LRMDA: variants seen among roughly 807,000 people sequenced by gnomAD.
LRMDA encodes the protein leucine rich melanocyte differentiation associated.
In LRMDA, 18 loss-of-function variants were observed where a neutral mutation model predicts 29.8. The observed-to-expected ratio is 0.60, with a 90% CI of 0.42 to 0.90. The LOEUF (loss-of-function observed/expected upper bound fraction) is 0.90. Ranked by LOEUF, LRMDA falls within the 40% of genes least tolerant of loss-of-function variation. LRMDA has a pLI of 0.00. For missense variants in LRMDA, 273 were observed against 273.9 expected (o/e 1.00, Z 0.02); for synonymous variants, 125 against 109.4 (o/e 1.14, Z -0.89).
chr10:76,329,102 G>T (rs767493098), intron 6 of LRMDA, among the ~76,000 whole-genome samples: 1 of 152,122 alleles, frequency 6.6e-6, no homozygotes, highest in South Asian at 2.1e-4. Context: ...TTATCCATGC[G>T]TTGCCCTGCT....
Position 76,111,985 on chromosome 10 carries a change from A to G in LRMDA, c.516+53202A>G, listed in dbSNP as rs938332963. Reference sequence around the variant, plus strand: ...TACCTGTCAAACCCAGTATGGCTACATTTGAAAATCTTTAATGTAATTAAG... The same window carrying G: ...TACCTGTCAAACCCAGTATGGCTACGTTTGAAAATCTTTAATGTAATTAAG... On this transcript the variant is annotated intron_variant, in intron 5 of 6. Transcript: ENST00000611255. 3.3e-5 allele frequency among the ~76,000 whole-genome samples: 5 copies of G among 152,246 alleles called. No homozygotes were observed. The South Asian group carries it at 1.0e-3, about 31-fold the overall frequency.
intron 2 of LRMDA, among the ~76,000 whole-genome samples, chr10:75,545,849 A>G (rs1234486724): frequency 6.6e-6 from 1 of 152,206 alleles, no homozygotes; most frequent in Non-Finnish European, 1.5e-5. Context: ...TGAAATAATT[A>G]GAGAAATATT....
intron 2 of LRMDA, among the ~76,000 whole-genome samples, chr10:75,873,983 C>T (rs1845154700): frequency 6.6e-6 from 1 of 152,084 alleles, no homozygotes; most frequent in Admixed American, 6.6e-5. Context: ...TCTCTGTTTT[C>T]CAGGTGGTGG....
At chr10:76,335,765 T>C (rs919813808) in intron 6 of LRMDA, among the ~76,000 whole-genome samples, 5 of 152,048 alleles carry the variant, frequency 3.3e-5, no homozygotes, top group Non-Finnish European at 7.4e-5. Context: ...ATATAAGAGG[T>C]TGTAGAAACC....
intron 2 of LRMDA, among the ~76,000 whole-genome samples, chr10:75,954,819 A>G (rs1457142273): frequency 1.3e-5 from 2 of 152,238 alleles, no homozygotes; most frequent in African/African-American, 4.8e-5. Flanking sequence ...AGAAACACAA[A>G]CATCGATAAA....
At chr10:76,186,798 G>A (rs1046929894) in intron 5 of LRMDA, among the ~76,000 whole-genome samples, 4 of 152,174 alleles carry the variant, frequency 2.6e-5, no homozygotes, top group African/African-American at 4.8e-5. Context: ...ACATCTAGCT[G>A]CTAGTTGAGG....
chr10:76,027,305 A>G (rs949514404), intron 2 of LRMDA, among the ~76,000 whole-genome samples: 1 of 152,142 alleles, frequency 6.6e-6, no homozygotes, highest in African/African-American at 2.4e-5. Context: ...CTCTTCCCAG[A>G]CACTGCTCTT....
At chr10:75,692,045 T>TA (rs1262749670) in intron 2 of LRMDA, among the ~76,000 whole-genome samples, 1 of 151,000 alleles carries the variant, frequency 6.6e-6, no homozygotes, top group African/African-American at 2.4e-5. Flanking sequence ...TCTACAAAAG[T>TA]AAAAAAAGTA....
At chr10:76,115,206 A>G (rs1023323551) in intron 5 of LRMDA, among the ~76,000 whole-genome samples, 2 of 152,220 alleles carry the variant, frequency 1.3e-5, no homozygotes, top group African/African-American at 2.4e-5. Context: ...TTTCCTTACT[A>G]TTGATTAAAC....
At chr10:75,879,046 A>T (rs991106021) in intron 2 of LRMDA, among the ~76,000 whole-genome samples, 2 of 152,126 alleles carry the variant, frequency 1.3e-5, no homozygotes, top group East Asian at 3.8e-4. Flanking sequence ...TCATCCAGAG[A>T]CACATCTGTT....
intron 2 of LRMDA, among the ~76,000 whole-genome samples, chr10:75,645,582 A>T (rs929845546): frequency 6.6e-6 from 1 of 151,924 alleles, no homozygotes; most frequent in Non-Finnish European, 1.5e-5. Flanking sequence ...GGTCGGGGGA[A>T]CCCATGGGTT....
chr10:75,472,301 G>A (rs1190938680), intron 2 of LRMDA, among the ~76,000 whole-genome samples: 1 of 152,176 alleles, frequency 6.6e-6, no homozygotes, highest in Non-Finnish European at 1.5e-5. Flanking sequence ...TAATGAAGGA[G>A]GCAGAAGGGC....
chr10:76,066,252 G>A (rs1848783528), intron 5 of LRMDA, among the ~76,000 whole-genome samples: 2 of 152,156 alleles, frequency 1.3e-5, no homozygotes, highest in South Asian at 4.1e-4. Flanking sequence ...CCAGTCTAGA[G>A]GTCAACTGGC....
At chr10:75,815,103 A>G (rs971408139) in intron 2 of LRMDA, among the ~76,000 whole-genome samples, 1 of 152,148 alleles carries the variant, frequency 6.6e-6, no homozygotes, top group African/African-American at 2.4e-5. Flanking sequence ...CCAGCCAACT[A>G]CTTCAATGGA....
At chr10:75,463,107 T>C (rs1322850171) in intron 2 of LRMDA, among the ~76,000 whole-genome samples, 1 of 152,178 alleles carries the variant, frequency 6.6e-6, no homozygotes, top group African/African-American at 2.4e-5. Flanking sequence ...GGAATGCTCC[T>C]GCATCCTCTT....
chr10:75,893,446 G>A (rs1487366550), intron 2 of LRMDA, among the ~76,000 whole-genome samples: 1 of 152,156 alleles, frequency 6.6e-6, no homozygotes, highest in East Asian at 1.9e-4. Flanking sequence ...AGTCTAGAAG[G>A]GAAGCAGAGT....
At chr10:76,109,553 C>T (rs1849542436) in intron 5 of LRMDA, among the ~76,000 whole-genome samples, 2 of 152,310 alleles carry the variant, frequency 1.3e-5, no homozygotes, top group South Asian at 4.1e-4. Context: ...ACCACCCTAC[C>T]AGAAGCCCTC....
At chr10:75,468,287 C>CG (rs1844683536) in intron 2 of LRMDA, among the ~76,000 whole-genome samples, 1 of 151,664 alleles carries the variant, frequency 6.6e-6, no homozygotes, top group Non-Finnish European at 1.5e-5. Flanking sequence ...TTTTGGGGTG[C>CG]GGGGCGGGGT....
chr10:75,874,475 C>T (rs868353389), intron 2 of LRMDA, among the ~76,000 whole-genome samples: 24 of 152,158 alleles, frequency 1.6e-4, no homozygotes, highest in African/African-American at 5.6e-4. Flanking sequence ...ACTTAATAAG[C>T]ACATTTCTCT....
Sources: allele counts gnomAD v4.1 joint callset (sites outside exome capture counted in the v4.1 genomes callset), GRCh38; gene constraint gnomAD v4.1.1; transcripts MANE v1.5; gene names NCBI Gene and HGNC (gene_info 2026-07-23, HGNC 2026-07-21).